The following EPB41L2 variants were observed in gnomAD, a reference collection of about 807,000 sequenced individuals.
EPB41L2 encodes band 4.1-like protein 2.
A neutral mutation model predicts 113.0 loss-of-function variants in EPB41L2; 43 were observed. The observed-to-expected ratio is 0.38, with a 90% CI of 0.30 to 0.49. EPB41L2 has a LOEUF of 0.49. Ranked by LOEUF, EPB41L2 falls within the 20% of genes least tolerant of loss-of-function variation. EPB41L2 has a pLI of 0.95. For synonymous variants in EPB41L2, 442 were observed against 436.7 expected, an observed-to-expected ratio of 1.01 and a Z score of -0.15; for missense variants, 1,147 against 1,223.4, an observed-to-expected ratio of 0.94 and a Z score of 0.93.
intron 1 of EPB41L2, among the ~76,000 whole-genome samples, chr6:131,006,112 A>G (rs939752277): frequency 2.0e-5 from 3 of 151,982 alleles, no homozygotes; most frequent in Non-Finnish European, 4.4e-5. Context: ...GCTGAAGTGC[A>G]CTGGCTCGAT....
At position 130,871,925 on chromosome 6, in the gene EPB41L2, G is replaced by A. The variant is rs1023069505; in HGVS notation, c.2044-1799C>T. 3.9e-5 allele frequency among the ~76,000 whole-genome samples: 6 copies of A among 152,144 alleles called. No individual in the cohort carries two copies. In the East Asian group the frequency reaches 1.2e-3, roughly 29 times the overall value. On this transcript the variant is annotated intron_variant, in intron 14 of 19. Coordinates refer to ENST00000337057, the MANE Select transcript of EPB41L2 (RefSeq NM_001431.4). ...GCTGGATAGGTTCTGCCCAAGTTCA[G>A]GGAATTCCTTAGGGTCATTCAAAAG... is the stretch of plus-strand genomic sequence containing the variant.
intron 1 of EPB41L2, among the ~76,000 whole-genome samples, chr6:131,025,209 C>A (rs1225460275): frequency 6.6e-6 from 1 of 152,126 alleles, no homozygotes; most frequent in Admixed American, 6.6e-5. Flanking sequence ...TGTTTCCCCC[C>A]CGGTATGACT....
At chr6:130,949,508 C>G (rs1461927077) in intron 3 of EPB41L2, among the ~76,000 whole-genome samples, 4 of 150,806 alleles carry the variant, frequency 2.7e-5, no homozygotes, top group Non-Finnish European at 5.9e-5. Context: ...GAGGCTGAGG[C>G]AAGAAGAGGG....
intron 3 of EPB41L2, among the ~76,000 whole-genome samples, chr6:130,935,416 C>G (rs965625284): frequency 1.3e-5 from 2 of 152,174 alleles, no homozygotes; most frequent in Non-Finnish European, 2.9e-5. Flanking sequence ...TCTTCCACCC[C>G]AGTCTGCTGG....
At position 130,954,040 on chromosome 6, in the gene EPB41L2, C is replaced by CTTTCTTTTTTTTTTTTTTTTTTTTT. The variant is rs1816373036; in HGVS notation, c.705+1064_705+1065insAAAAAAAAAAAAAAAAAAAAAGAAA. On this transcript the variant is annotated intron_variant, in intron 3 of 19. Coordinates refer to ENST00000337057, the MANE Select transcript of EPB41L2 (RefSeq NM_001431.4). ...TCCTCTTTTGCTAGTCCTTTTCTTT[C>CTTTCTTTTTTTTTTTTTTTTTTTTT]TTTTTTTTTTTTTTTTTTTTTTTTT... Among the ~76,000 whole-genome samples the CTTTCTTTTTTTTTTTTTTTTTTTTT allele has an allele frequency of 9.7e-4, 57 of 58,866 alleles. 11 individuals are homozygous for CTTTCTTTTTTTTTTTTTTTTTTTTT. Among genetic ancestry groups the CTTTCTTTTTTTTTTTTTTTTTTTTT allele is most frequent in the Non-Finnish European group, 1.2e-3 (35 of 30,230 alleles). The allele number at this position is 58,866 out of a possible 152,430, so 38.6% of individuals were successfully genotyped here.
At chr6:130,871,451 A>T (rs989123670) in intron 14 of EPB41L2, among the ~76,000 whole-genome samples, 2 of 152,176 alleles carry the variant, frequency 1.3e-5, no homozygotes, top group African/African-American at 4.8e-5. Context: ...ATTGTTGTGA[A>T]GCTGCCAAGG....
At chr6:130,859,751 CAA>C (rs5880039) in intron 18 of EPB41L2, among the ~76,000 whole-genome samples, 7 of 131,706 alleles carry the variant, frequency 5.3e-5, no homozygotes, top group Non-Finnish European at 4.9e-5. Flanking sequence ...GTAAAGCTAC[CAA>C]AAAAAAAAAA....
intron 19 of EPB41L2, among the ~76,000 whole-genome samples, chr6:130,841,128 G>A (rs1341550573): frequency 1.3e-5 from 2 of 150,740 alleles, no homozygotes; most frequent in Admixed American, 6.6e-5. Flanking sequence ...CATTACTAAA[G>A]TTGAGCATTG....
intron 1 of EPB41L2, among the ~76,000 whole-genome samples, chr6:130,996,650 C>T (rs1373908622): frequency 3.3e-5 from 5 of 151,788 alleles, no homozygotes; most frequent in Non-Finnish European, 5.9e-5. Flanking sequence ...AGTTCTACTA[C>T]CTTAAGAATT....
intron 19 of EPB41L2, among the ~76,000 whole-genome samples, chr6:130,851,344 T>G (rs1778734266): frequency 6.6e-6 from 1 of 152,220 alleles, no homozygotes; most frequent in Admixed American, 6.5e-5. Context: ...ACCCTGCACA[T>G]CACCCTGACT....
chr6:130,929,187 C>A (rs965232626), intron 3 of EPB41L2, among the ~76,000 whole-genome samples: 3 of 152,120 alleles, frequency 2.0e-5, no homozygotes, highest in Admixed American at 1.3e-4. Flanking sequence ...GAGCGATGTA[C>A]AAAGTGCTAT....
chr6:130,981,695 C>T (rs1234514255), intron 1 of EPB41L2, among the ~76,000 whole-genome samples: 2 of 152,106 alleles, frequency 1.3e-5, no homozygotes, highest in African/African-American at 2.4e-5. Flanking sequence ...TCTATAAAAG[C>T]CAGAAGCAGA....
At chr6:130,953,605 A>G (rs1217405120) in intron 3 of EPB41L2, among the ~76,000 whole-genome samples, 1 of 152,102 alleles carries the variant, frequency 6.6e-6, no homozygotes, top group Non-Finnish European at 1.5e-5. Flanking sequence ...AACACGGCGC[A>G]TGTATACATA....
At chr6:130,950,379 T>C (rs1454687898) in intron 3 of EPB41L2, among the ~76,000 whole-genome samples, 4 of 151,658 alleles carry the variant, frequency 2.6e-5, no homozygotes, top group African/African-American at 9.7e-5. Flanking sequence ...GAAATAAAAA[T>C]CAAATGCACA....
At chr6:130,870,342 T>G in intron 14 of EPB41L2, 1 of 1,550,686 alleles carries the variant, frequency 6.4e-7, no homozygotes, top group Non-Finnish European at 8.7e-7. Context: ...ACAGCATCCC[T>G]GGCTCCAGTG....
At chr6:130,997,686 GC>G in intron 1 of EPB41L2, among the ~76,000 whole-genome samples, 1 of 152,168 alleles carries the variant, frequency 6.6e-6, no homozygotes, top group East Asian at 1.9e-4. Flanking sequence ...AGTGACAAAG[GC>G]ACTTCTTTAG....
chr6:131,047,044 C>T (rs969191062), intron 1 of EPB41L2, among the ~76,000 whole-genome samples: 1 of 152,152 alleles, frequency 6.6e-6, no homozygotes, highest in Admixed American at 6.5e-5. Context: ...CGCTGCTCCA[C>T]CATTAATTGG....
At chr6:130,912,031 T>C (rs1583366755) in intron 4 of EPB41L2, among the ~76,000 whole-genome samples, 1 of 152,178 alleles carries the variant, frequency 6.6e-6, no homozygotes, top group Admixed American at 6.5e-5. Flanking sequence ...CCACCCGCGT[T>C]AGATTCTCAG....
chr6:130,903,170 G>A (rs1796752888), intron 6 of EPB41L2, among the ~76,000 whole-genome samples: 1 of 152,134 alleles, frequency 6.6e-6, no homozygotes, highest in Admixed American at 6.5e-5. Flanking sequence ...ACAAATTACT[G>A]CCAGGAGGAG....
Sources: allele counts gnomAD v4.1 joint callset (sites outside exome capture counted in the v4.1 genomes callset), GRCh38; gene constraint gnomAD v4.1.1; transcripts MANE v1.5; gene names NCBI Gene and HGNC (gene_info 2026-07-23, HGNC 2026-07-21).